C12orf42: variants seen among roughly 807,000 people sequenced by gnomAD.
C12orf42 encodes uncharacterized protein C12orf42.
In C12orf42, 25 loss-of-function variants were observed where a neutral mutation model predicts 21.6. The observed-to-expected ratio is 1.16, with a 90% confidence interval of 0.84 to 1.62. The LOEUF is 1.62. Ranked by LOEUF, C12orf42 falls within the 40% of genes most tolerant of loss-of-function variation. The pLI is 0.00. For synonymous variants in C12orf42, 174 were observed against 175.0 expected (o/e 0.99, Z 0.05); for missense variants, 483 against 459.3 (o/e 1.05, Z -0.47).
At chr12:103,191,543 CAAAAAAAAAAAA>C in the C12orf42 span, among the ~76,000 whole-genome samples, 6 of 58,114 alleles carry the variant, frequency 1.0e-4, no homozygotes, top group South Asian at 8.2e-4. Context: ...CTCCACTCTA[CAAAAAAAAAAAA>C]AAAAAAAAAA....
At chr12:103,540,911 C>CT in the C12orf42 span, among the ~76,000 whole-genome samples, 5 of 150,490 alleles carry the variant, frequency 3.3e-5, no homozygotes, top group African/African-American at 9.7e-5. Flanking sequence ...TTCTTTCTTT[C>CT]TTTTTTTTTA....
the C12orf42 span, among the ~76,000 whole-genome samples, chr12:103,206,100 T>A: frequency 6.6e-6 from 1 of 152,214 alleles, no homozygotes; most frequent in Non-Finnish European, 1.5e-5. Flanking sequence ...TATCAGGGTT[T>A]GCCTAGTGAC....
At chr12:103,479,403 A>G (rs1290327851) in intron 1 of C12orf42, among the ~76,000 whole-genome samples, 4 of 152,106 alleles carry the variant, frequency 2.6e-5, no homozygotes, top group Admixed American at 2.6e-4. Context: ...GGAGTTGCAA[A>G]AAATAAGAGG....
In C12orf42 at chr12:103,334,768, G is replaced by A. The variant is rs1339702143; in HGVS notation, c.260-28423C>T. ...TCGGCCAACTTCCCTTTGCTTCCACGGCTTCAGCAATTGTTGCTGCGCCAA... is the reference window on the plus strand; with the variant it reads ...TCGGCCAACTTCCCTTTGCTTCCACAGCTTCAGCAATTGTTGCTGCGCCAA... On this transcript the variant is annotated intron_variant, in intron 4 of 5. Transcript: ENST00000548883. 3.3e-5 allele frequency among the ~76,000 whole-genome samples: 5 copies of A among 152,112 alleles called. No homozygotes were observed. In the East Asian group the frequency reaches 9.6e-4, roughly 29 times the overall value.
At chr12:103,230,636 CACTGGA>C in the C12orf42 span, among the ~76,000 whole-genome samples, 6 of 152,202 alleles carry the variant, frequency 3.9e-5, no homozygotes, top group Admixed American at 3.3e-4. Context: ...CCCCCACTAC[CACTGGA>C]GAACAATGGC....
intron 3 of C12orf42, among the ~76,000 whole-genome samples, chr12:103,385,074 T>C (rs1371480999): frequency 6.6e-6 from 1 of 152,162 alleles, no homozygotes; most frequent in Non-Finnish European, 1.5e-5. Flanking sequence ...CAGTCTGAAA[T>C]TGAACTGCAT....
chr12:103,202,678 G>A, the C12orf42 span, among the ~76,000 whole-genome samples: 1 of 152,132 alleles, frequency 6.6e-6, no homozygotes, highest in Non-Finnish European at 1.5e-5. Context: ...CATTGCTTCT[G>A]TCTGGTGGAC....
At chr12:103,371,961 CTT>C (rs2137975600) in intron 3 of C12orf42, among the ~76,000 whole-genome samples, 1 of 152,266 alleles carries the variant, frequency 6.6e-6, no homozygotes, top group South Asian at 2.1e-4. Context: ...CAAATCCACT[CTT>C]TCTTACTCTG....
At chr12:103,510,301 A>G in the C12orf42 span, among the ~76,000 whole-genome samples, 1 of 152,192 alleles carries the variant, frequency 6.6e-6, no homozygotes, top group Non-Finnish European at 1.5e-5. Context: ...TTGGGAGCTA[A>G]GCTATGATAG....
rs553261768 is a variant in C12orf42 at position 103,302,384 on chromosome 12, G to A, written c.807C>T (p.Ser269=). ...CCGCGCCTTTTCCGACGGGATTTCC[G>A]GACGCGCCCAGGAGTCTGCTTTGGA... ...DDIQSRLLGA[S]GNPVGKGAVA... Residue 269 remains serine (S), a synonymous_variant, in exon 6 of 6, where the codon TCC becomes TCT. Coordinates refer to ENST00000548883, the MANE Select transcript of C12orf42 (RefSeq NM_198521.5). 3 of 1,613,908 alleles carry A rather than the reference G, an allele frequency of 1.9e-6. No individual in the cohort carries two copies. The highest frequency in any genetic ancestry group is 1.7e-5 in the Admixed American group (1 of 60,012).
At chr12:103,410,552 A>G (rs562742331) in intron 2 of C12orf42, among the ~76,000 whole-genome samples, 1 of 152,186 alleles carries the variant, frequency 6.6e-6, no homozygotes, top group Non-Finnish European at 1.5e-5. Flanking sequence ...CATGATTGTC[A>G]TGGCCACAAG....
intron 2 of C12orf42, among the ~76,000 whole-genome samples, chr12:103,428,154 C>T (rs1849974448): frequency 6.6e-6 from 1 of 152,094 alleles, no homozygotes; most frequent in African/African-American, 2.4e-5. Flanking sequence ...CATGAAAAAC[C>T]CTTCAAAAAA....
chr12:103,343,729 A>T (rs2042365053), intron 4 of C12orf42, among the ~76,000 whole-genome samples: 1 of 150,902 alleles, frequency 6.6e-6, no homozygotes. Flanking sequence ...AGCCAAGATC[A>T]CACCATTGCA....
At chr12:103,292,961 C>T (rs2036918483) in intron 4 of C12orf42, among the ~76,000 whole-genome samples, 1 of 151,778 alleles carries the variant, frequency 6.6e-6, no homozygotes, top group Non-Finnish European at 1.5e-5. Context: ...CATGAGAAAA[C>T]TAGAAAAGGC....
At position 103,483,608 on chromosome 12, in the gene C12orf42, G is replaced by GT. The variant is rs566870427; in HGVS notation, c.-21-5162dup. The stretch of plus-strand genomic sequence containing the variant: ...ACAGTAAAAGTTGAATCAAGCAGCC[G>GT]TTTTTTTGCTGAATTTTTTATGTCA... On this transcript the variant is annotated intron_variant, in intron 1 of 5. Coordinates refer to ENST00000548883, the MANE Select transcript of C12orf42 (RefSeq NM_198521.5). Among the ~76,000 whole-genome samples, 31 of 151,652 alleles carry GT rather than the reference G, an allele frequency of 2.0e-4. No homozygotes were observed. In the East Asian group the frequency reaches 4.3e-3, roughly 21 times the overall value.
chr12:103,407,981 A>G (rs573594322), intron 2 of C12orf42, among the ~76,000 whole-genome samples: 1 of 152,314 alleles, frequency 6.6e-6, no homozygotes, highest in East Asian at 1.9e-4. Context: ...GCAAAGCACA[A>G]AATAATCATT....
intron 2 of C12orf42, among the ~76,000 whole-genome samples, chr12:103,413,167 A>C (rs1453543967): frequency 6.6e-6 from 1 of 152,202 alleles, no homozygotes; most frequent in Non-Finnish European, 1.5e-5. Flanking sequence ...TATCTTCAGC[A>C]TATAGCTAGC....
chr12:103,093,146 G>A, the C12orf42 span, among the ~76,000 whole-genome samples: 63 of 152,280 alleles, frequency 4.1e-4, no homozygotes, highest in African/African-American at 1.4e-3. Context: ...CTCAAGCCAA[G>A]GCTGCTGCAG....
At chr12:103,364,281 A>G (rs1020426519) in intron 4 of C12orf42, among the ~76,000 whole-genome samples, 1 of 152,148 alleles carries the variant, frequency 6.6e-6, no homozygotes, top group Non-Finnish European at 1.5e-5. Flanking sequence ...AAATTTAAAA[A>G]TTCTTTGAAC....
Sources: gnomAD v4.1 joint callset for allele counts (sites outside exome capture counted in the v4.1 genomes callset) on GRCh38, gnomAD v4.1.1 for gene constraint, MANE v1.5 for transcripts, NCBI Gene and HGNC (gene_info 2026-07-23, HGNC 2026-07-21) for gene names.